Variants in TSPEAR observed in about 807,000 individuals in gnomAD.
TSPEAR encodes the protein thrombospondin type laminin G domain and EAR repeats.
A neutral mutation model predicts 71.6 loss-of-function variants in TSPEAR; 69 were observed. That is an observed-to-expected ratio of 0.96 (90% CI 0.79 to 1.18). The LOEUF (loss-of-function observed/expected upper bound fraction) is 1.18. Ranked by LOEUF, TSPEAR falls within the 50% of genes most tolerant of loss-of-function variation. TSPEAR has a pLI of 0.00. For missense variants in TSPEAR, 971 were observed against 894.9 expected (o/e 1.09, Z -1.09); for synonymous variants, 402 against 387.2 (o/e 1.04, Z -0.45).
intron 1 of TSPEAR, among the ~76,000 whole-genome samples, chr21:44,570,264 C>T (rs1212282627): frequency 1.3e-5 from 2 of 152,234 alleles, no homozygotes; most frequent in African/African-American, 2.4e-5. Flanking sequence ...AAGAGCCTCT[C>T]CCTCCACTGT....
chr21:44,681,190 C>G (rs1430025878), intron 1 of TSPEAR, among the ~76,000 whole-genome samples: 1 of 152,190 alleles, frequency 6.6e-6, no homozygotes, highest in Non-Finnish European at 1.5e-5. Flanking sequence ...CAGAACTAAT[C>G]CAGTTCTGTA....
At chr21:44,675,099 G>A (rs782672881) in intron 1 of TSPEAR, among the ~76,000 whole-genome samples, 27 of 152,054 alleles carry the variant, frequency 1.8e-4, no homozygotes, top group Non-Finnish European at 2.9e-4. Flanking sequence ...CCTTGATACC[G>A]AAAGCAGACA....
At chr21:44,652,272 C>A (rs188552754) in intron 1 of TSPEAR, among the ~76,000 whole-genome samples, 1 of 152,186 alleles carries the variant, frequency 6.6e-6, no homozygotes, top group African/African-American at 2.4e-5. Context: ...CGTGAGCCAC[C>A]GCACCGGGCC....
At chr21:44,573,604 C>A in intron 1 of TSPEAR, 1 of 1,299,798 alleles carries the variant, frequency 7.7e-7, no homozygotes, top group Non-Finnish European at 1.1e-6. Flanking sequence ...GGCTGTACAC[C>A]CCAACAAGGA....
intron 8 of TSPEAR, among the ~76,000 whole-genome samples, 187 bp downstream of exon 8, chr21:44,525,466 C>A (rs1476024552): frequency 6.6e-6 from 1 of 152,186 alleles, no homozygotes; most frequent in African/African-American, 2.4e-5. Context: ...GTGCTGTGGG[C>A]AGGTGCCCCA....
rs879956665 is a variant in TSPEAR, at chr21:44,676,488, G to A, written c.82+34945C>T. 9.1e-5 allele frequency: 78 copies of A among 857,960 alleles called. No homozygotes were observed. In the Admixed American group the frequency reaches 1.2e-3, roughly 13 times the overall value. 53.1% of individuals were successfully genotyped at this position (857,960 alleles called of 1,614,324 possible). ...CAGCAACTGCATGACTCTGAACAGC[G>A]TGTTCGATTCCTCTGAGTCTGGCAT... On this transcript the variant is annotated intron_variant, in intron 1 of 11. Transcript: ENST00000323084.
chr21:44,650,393 G>T (rs587656294), intron 1 of TSPEAR, among the ~76,000 whole-genome samples: 53 of 152,352 alleles, frequency 3.5e-4, no homozygotes, highest in African/African-American at 1.3e-3. Flanking sequence ...GCACACGAAC[G>T]GGCACCTGGA....
At chr21:44,512,155 GCAGGGGCTGGGGCGGGCCTA>G (rs1187441078) in intron 9 of TSPEAR, among the ~76,000 whole-genome samples, 2 of 152,222 alleles carry the variant, frequency 1.3e-5, no homozygotes, top group African/African-American at 2.4e-5. Context: ...AGAGTGCGGA[GCAGGGGCTGGGGCGGGCCTA>G]CAGGGCCTGG....
intron 1 of TSPEAR, among the ~76,000 whole-genome samples, chr21:44,597,605 T>C (rs1980460112): frequency 6.6e-6 from 1 of 152,040 alleles, no homozygotes; most frequent in Non-Finnish European, 1.5e-5. Context: ...GCTAATTTTG[T>C]ATTTTTAGTA....
intron 1 of TSPEAR, among the ~76,000 whole-genome samples, chr21:44,655,975 G>A (rs1402685929): frequency 6.6e-6 from 1 of 152,156 alleles, no homozygotes; most frequent in Admixed American, 6.5e-5. Flanking sequence ...ACCAAGTGGG[G>A]TCTCAGAGCT....
At position 44,498,127 on chromosome 21, in the gene TSPEAR, A is replaced by G. The variant is rs1216004054; in HGVS notation, c.*1656T>C. 1 of 152,210 alleles carries G rather than the reference A, an allele frequency of 6.6e-6. No individual in the cohort carries two copies. Among genetic ancestry groups the G allele is most frequent in the Non-Finnish European group, 1.5e-5 (1 of 68,066 alleles). The allele number at this position is 152,210 out of a possible 1,614,324, so 9.4% of individuals were successfully genotyped here. A position where few individuals can be genotyped will look rare whatever the true frequency, so the allele number is the denominator to read the frequency against. Reference sequence around the variant, plus strand: ...CGTGCTCAGTAAATTGGCACTTTCCATGAGATAAGGGGCACACAGAGCAGC... The same window carrying G: ...CGTGCTCAGTAAATTGGCACTTTCCGTGAGATAAGGGGCACACAGAGCAGC... On this transcript the variant is annotated 3_prime_UTR_variant, in exon 12 of 12. Transcript: ENST00000323084.
intron 1 of TSPEAR, among the ~76,000 whole-genome samples, chr21:44,652,109 G>A (rs147734702): frequency 2.2e-3 from 332 of 149,024 alleles, no homozygotes; most frequent in African/African-American, 7.8e-3. Flanking sequence ...TCAGCCTCCC[G>A]AATAGCTGGG....
intron 1 of TSPEAR, chr21:44,627,249 C>T: frequency 6.2e-7 from 1 of 1,612,770 alleles, no homozygotes; most frequent in Non-Finnish European, 8.5e-7. Context: ...CAGAGAGCTG[C>T]TGTGAGCCCC....
chr21:44,707,686 G>T (rs959865877), intron 1 of TSPEAR, among the ~76,000 whole-genome samples: 1 of 152,168 alleles, frequency 6.6e-6, no homozygotes, highest in Non-Finnish European at 1.5e-5. Context: ...CAGAGTGACC[G>T]CCTGGCTCGG....
chr21:44,532,979 T>G (rs2053003594), intron 3 of TSPEAR, among the ~76,000 whole-genome samples: 1 of 152,208 alleles, frequency 6.6e-6, no homozygotes, highest in African/African-American at 2.4e-5. Context: ...GGGAAGGAGT[T>G]ACTCTGACTT....
At position 44,632,335 on chromosome 21, in the gene TSPEAR, T is replaced by C. The variant is rs1284991149; in HGVS notation, c.83-64330A>G. Among the ~76,000 whole-genome samples the C allele has an allele frequency of 2.1e-5, 3 of 141,504 alleles. No individual in the cohort carries two copies. In the East Asian group the frequency reaches 6.2e-4, roughly 29 times the overall value. The allele number at this position is 141,504 out of a possible 152,430, so 92.8% of individuals were successfully genotyped here. On this transcript the variant is annotated intron_variant, in intron 1 of 11. Coordinates refer to ENST00000323084, the MANE Select transcript of TSPEAR (RefSeq NM_144991.3). ...TGAAGAACAGAAGGCAATGGGATGA[T>C]GTACTTAAAGTGCTGAAAGAGAAAA...
At chr21:44,668,853 T>C (rs1289324864) in intron 1 of TSPEAR, among the ~76,000 whole-genome samples, 2 of 152,252 alleles carry the variant, frequency 1.3e-5, no homozygotes, top group Non-Finnish European at 2.9e-5. Flanking sequence ...AGATTATTTT[T>C]AACCCTTACC....
chr21:44,597,515 T>A (rs1369867877), intron 1 of TSPEAR, among the ~76,000 whole-genome samples: 1 of 151,246 alleles, frequency 6.6e-6, no homozygotes, highest in Non-Finnish European at 1.5e-5. Flanking sequence ...TCACTGCAAC[T>A]TCCACCTCCT....
rs185500996 is a variant in TSPEAR, at chr21:44,685,654, C to T, written c.82+25779G>A. Among the ~76,000 whole-genome samples the T allele has an allele frequency of 1.2e-3, 190 of 152,350 alleles. 1 individual carries two copies. Among genetic ancestry groups the T allele is most frequent in the African/African-American group, 4.4e-3 (181 of 41,586 alleles). On this transcript the variant is annotated intron_variant, in intron 1 of 11. Coordinates refer to ENST00000323084, the MANE Select transcript of TSPEAR (RefSeq NM_144991.3). ...CTGAGCCATGCTCTGCAGACGCCAA[C>T]GTGGCTGATGTTTTCATCCATCTTC...
Sources: allele counts gnomAD v4.1 joint callset (sites outside exome capture counted in the v4.1 genomes callset), GRCh38; gene constraint gnomAD v4.1.1; transcripts MANE v1.5; gene names NCBI Gene and HGNC (gene_info 2026-07-23, HGNC 2026-07-21).